The following HEATR4 variants were observed in gnomAD, a reference collection of about 807,000 sequenced individuals.
HEATR4 encodes the protein HEAT repeat-containing protein 4.
Under a neutral mutation model 108.8 loss-of-function variants are expected in HEATR4, and 95 were observed. The ratio of observed to expected loss-of-function variants is 0.87; its 90% confidence interval spans 0.74 to 1.04. The LOEUF is 1.04. Among genes scored for constraint, HEATR4 ranks in the 50% least tolerant of loss-of-function variants. HEATR4 has a pLI of 0.00. For missense variants in HEATR4, 1,152 were observed against 1,253.8 expected (o/e 0.92, Z 1.23); for synonymous variants, 443 against 459.4 (o/e 0.96, Z 0.46).
At chr14:73,609,231 T>C in the HEATR4 span, among the ~76,000 whole-genome samples, 94,761 of 152,068 alleles carry the variant, frequency 0.62, 31,310 homozygotes, top group East Asian at 0.94. Context: ...ATGACTGGGT[T>C]GCTGAATAAA....
At chr14:73,489,013 A>T (rs527881808) in intron 17 of HEATR4, among the ~76,000 whole-genome samples, 56 of 152,314 alleles carry the variant, frequency 3.7e-4, no homozygotes, top group African/African-American at 1.2e-3. Context: ...TAACACAGCA[A>T]GACCCTGTCT....
chr14:73,619,189 A>G, the HEATR4 span: 14 of 1,519,500 alleles, frequency 9.2e-6, no homozygotes, highest in Non-Finnish European at 8.8e-6. Context: ...TGTGTCCTCC[A>G]TTTATGAATT....
At chr14:73,484,829 CACAG>C (rs1351012189) in intron 17 of HEATR4, among the ~76,000 whole-genome samples, 101 of 148,100 alleles carry the variant, frequency 6.8e-4, no homozygotes, top group African/African-American at 9.6e-4. Context: ...CACACACACA[CACAG>C]ACACACACAC....
At chr14:73,572,601 G>A in the HEATR4 span, among the ~76,000 whole-genome samples, 38 of 141,242 alleles carry the variant, frequency 2.7e-4, no homozygotes, top group African/African-American at 8.9e-4. Flanking sequence ...TATCAGCACT[G>A]AACTATGTCT....
the HEATR4 span, among the ~76,000 whole-genome samples, chr14:73,589,167 T>G: frequency 1.3e-5 from 2 of 152,212 alleles, no homozygotes; most frequent in Non-Finnish European, 2.9e-5. Context: ...TATAATGACA[T>G]GTATCCACCA....
upstream of HEATR4, among the ~76,000 whole-genome samples, chr14:73,559,938 T>C (rs1219839531): frequency 1.3e-5 from 2 of 151,992 alleles, no homozygotes; most frequent in Non-Finnish European, 2.9e-5. Flanking sequence ...CCCTTTCAGC[T>C]CCTCCACTGC....
chr14:73,582,331 C>A, the HEATR4 span: 1 of 150,926 alleles, frequency 6.6e-6, no homozygotes, highest in South Asian at 2.1e-4. Context: ...TCATAGATAA[C>A]AACTGGAACA....
the HEATR4 span, among the ~76,000 whole-genome samples, chr14:73,628,524 C>A: frequency 6.6e-6 from 1 of 152,142 alleles, no homozygotes. Flanking sequence ...GAGGCCGAGG[C>A]GGGCGGATCA....
the HEATR4 span, among the ~76,000 whole-genome samples, chr14:73,624,134 A>AT: frequency 6.6e-6 from 1 of 151,794 alleles, no homozygotes; most frequent in African/African-American, 2.4e-5. Context: ...AAATATATAT[A>AT]TTTTTTGATA....
At chr14:73,599,213 G>A in the HEATR4 span, among the ~76,000 whole-genome samples, 3 of 151,752 alleles carry the variant, frequency 2.0e-5, no homozygotes, top group African/African-American at 7.3e-5. Context: ...AATCTCGGTG[G>A]AGACTTCACA....
chr14:73,612,332 G>GC, the HEATR4 span, among the ~76,000 whole-genome samples: 2 of 152,136 alleles, frequency 1.3e-5, no homozygotes, highest in Non-Finnish European at 2.9e-5. Flanking sequence ...GTGATCCACC[G>GC]CCCCCGGCCG....
intron 10 of HEATR4, among the ~76,000 whole-genome samples, chr14:73,504,559 T>G (rs1448493067): frequency 6.6e-6 from 1 of 152,142 alleles, no homozygotes; most frequent in Non-Finnish European, 1.5e-5. Flanking sequence ...GCATTTCTAA[T>G]AATGCTCCTA....
chr14:73,485,074 G>A (rs1434294825), intron 17 of HEATR4, among the ~76,000 whole-genome samples: 1 of 152,024 alleles, frequency 6.6e-6, no homozygotes, highest in East Asian at 1.9e-4. Flanking sequence ...TGAAGCAGGA[G>A]AATCGCTTGA....
chr14:73,495,445 A>G, intron 15 of HEATR4, 58 bp from the exon 16 acceptor site: 2 of 1,398,276 alleles, frequency 1.4e-6, no homozygotes, highest in Non-Finnish European at 2.0e-6. Context: ...CTAGGCAGCA[A>G]ATTATCAAAA....
the HEATR4 span, among the ~76,000 whole-genome samples, chr14:73,593,150 T>C: frequency 1.3e-5 from 2 of 152,350 alleles, no homozygotes; most frequent in South Asian, 4.1e-4. Context: ...CACTTCTTCA[T>C]GTGCTGCTTT....
chr14:73,611,681 G>A, the HEATR4 span: 2 of 152,110 alleles, frequency 1.3e-5, no homozygotes, highest in Non-Finnish European at 2.9e-5. Context: ...CCATTTAATG[G>A]TCACAATAAG....
chr14:73,498,443 G>A lies in HEATR4; in HGVS notation c.2357-99C>T, dbSNP rs147433747. Reference sequence around the variant, plus strand: ...TTTTGCAAACAATACCTTCCCTTTTGGATGGTAATCACCATTAGAATTTTA... The same window carrying A: ...TTTTGCAAACAATACCTTCCCTTTTAGATGGTAATCACCATTAGAATTTTA... On this transcript the variant is annotated intron_variant, in intron 13 of 17. Coordinates refer to ENST00000553558, the MANE Select transcript of HEATR4 (RefSeq NM_001220484.1). The A allele has an allele frequency of 6.9e-5, 73 of 1,050,612 alleles. No homozygotes were observed. The African/African-American group carries it at 1.1e-3, about 16-fold the overall frequency. The allele number at this position is 1,050,612 out of a possible 1,614,324, so 65.1% of individuals were successfully genotyped here.
rs558342210 is a variant in HEATR4, at chr14:73,556,848, G to C, written c.-152+1903C>G. Among the ~76,000 whole-genome samples, 405 of 113,960 alleles carry C rather than the reference G, an allele frequency of 3.6e-3. 52 individuals are homozygous for C. Among genetic ancestry groups the C allele is most frequent in the African/African-American group, 0.01 (358 of 35,360 alleles). 74.8% of individuals were successfully genotyped at this position (113,960 alleles called of 152,430 possible). The stretch of plus-strand genomic sequence containing the variant: ...GTTGTCCTTAGAAGGCAAGTCTCTG[G>C]GTCCTACAGTTAGATGCACTGGGCG... On this transcript the variant is annotated intron_variant, in intron 1 of 17. Coordinates refer to ENST00000553558, the MANE Select transcript of HEATR4 (RefSeq NM_001220484.1).
the HEATR4 span, among the ~76,000 whole-genome samples, chr14:73,620,492 C>T: frequency 6.6e-6 from 1 of 152,168 alleles, no homozygotes; most frequent in Non-Finnish European, 1.5e-5. Context: ...AGTCTCATAT[C>T]CCCTTTGGCC....
Sources: gnomAD v4.1 joint callset for allele counts (sites outside exome capture counted in the v4.1 genomes callset) on GRCh38, gnomAD v4.1.1 for gene constraint, MANE v1.5 for transcripts, NCBI Gene and HGNC (gene_info 2026-07-23, HGNC 2026-07-21) for gene names.